Variants in KIF3B observed in about 807,000 individuals in gnomAD.
The protein encoded by KIF3B is kinesin family member 3B, also known as kinesin-like protein KIF3B.
In KIF3B, 38 loss-of-function variants were observed where a neutral mutation model predicts 74.3. The observed-to-expected ratio is 0.51, with a 90% CI of 0.39 to 0.67. The LOEUF is 0.67. Ranked by LOEUF, KIF3B falls within the 30% of genes least tolerant of loss-of-function variation. The probability of loss-of-function intolerance (pLI) is 0.00; values close to 1 mark genes in which losing one functional copy is unlikely to be tolerated. For synonymous variants in KIF3B, 326 were observed against 342.5 expected (o/e 0.95, Z 0.53); for missense variants, 649 against 932.0 (o/e 0.70, Z 3.95).
At chr20:32,281,082 C>T (rs544994527) in intron 1 of KIF3B, among the ~76,000 whole-genome samples, 4 of 152,118 alleles carry the variant, frequency 2.6e-5, no homozygotes, top group Admixed American at 6.6e-5. Context: ...AGAAAGACCC[C>T]GTCTTATGTA....
chr20:32,328,480 C>G (rs191576303), intron 7 of KIF3B, among the ~76,000 whole-genome samples: 27 of 151,960 alleles, frequency 1.8e-4, no homozygotes, highest in Admixed American at 5.2e-4. Flanking sequence ...GTGGCAGGCA[C>G]CTGTAATCCC....
At position 32,322,752 on chromosome 20, in the gene KIF3B, A is replaced by T. The variant is rs111971810; in HGVS notation, c.1749-4019A>T. Among the ~76,000 whole-genome samples, 32 of 32,046 alleles carry T rather than the reference A, an allele frequency of 1.0e-3. 3 individuals carry two copies. Among genetic ancestry groups the T allele is most frequent in the East Asian group, 0.012 (2 of 162 alleles). 21.0% of individuals were successfully genotyped at this position (32,046 alleles called of 152,430 possible). A position where few individuals can be genotyped will look rare whatever the true frequency, so the allele number is the denominator to read the frequency against. On this transcript the variant is annotated intron_variant, in intron 5 of 8. Coordinates refer to ENST00000375712, the MANE Select transcript of KIF3B (RefSeq NM_004798.4). ...TTTATTTATATATATTTATTTATAT[A>T]TATATTTATATATATTTATATATAT...
intron 1 of KIF3B, among the ~76,000 whole-genome samples, chr20:32,306,338 G>T (rs560887567): frequency 1.1e-3 from 161 of 152,000 alleles, no homozygotes; most frequent in Non-Finnish European, 1.1e-3. Context: ...GGAGGTTGCA[G>T]TGAGCCAAGA....
chr20:32,310,510 G>T lies in KIF3B; in HGVS notation c.733G>T (p.Asp245Tyr). 2 of 1,613,950 alleles carry T rather than the reference G, an allele frequency of 1.2e-6. No individual in the cohort carries two copies. Among genetic ancestry groups the T allele is most frequent in the Non-Finnish European group, 1.7e-6 (2 of 1,180,038 alleles). The change falls in exon 2 of 9, where the codon GAT (aspartate) becomes TAT (tyrosine). Residue 245 changes from aspartate to tyrosine, a missense_variant. Physicochemically the swap from Asp to Tyr is radical, Grantham distance 160 (BLOSUM62 -3). Coordinates refer to ENST00000375712, the MANE Select transcript of KIF3B (RefSeq NM_004798.4). The surrounding 1 kb of genome is among the most constrained non-coding windows in gnomAD (Gnocchi z 6.5). ...CCGTGTAGGAAAATTGAACCTTGTA[G>T]ATCTTGCTGGCAGCGAACGGCAAGC... ...HIRVGKLNLV[D>Y]LAGSERQAKT... is the part of the protein sequence containing the mutation.
At position 32,331,435 on chromosome 20, in the gene KIF3B, C is replaced by T. The variant is rs1448603895; in HGVS notation, c.*116C>T. On this transcript the variant is annotated 3_prime_UTR_variant, in exon 9 of 9. Coordinates refer to ENST00000375712, the MANE Select transcript of KIF3B (RefSeq NM_004798.4). ...TCAGAACTGTTCCCCTGAGGAGAAG[C>T]GGTGGCCTCTTTGCAGATCAACCAA... 6 of 766,992 alleles carry T rather than the reference C, an allele frequency of 7.8e-6. No homozygotes were observed. Among genetic ancestry groups the T allele is most frequent in the African/African-American group, 1.8e-5 (1 of 56,994 alleles). The allele number at this position is 766,992 out of a possible 1,614,324, so 47.5% of individuals were successfully genotyped here. A position where few individuals can be genotyped will look rare whatever the true frequency, so the allele number is the denominator to read the frequency against.
intron 1 of KIF3B, among the ~76,000 whole-genome samples, chr20:32,303,674 C>G (rs1214299560): frequency 2.0e-5 from 3 of 151,554 alleles, no homozygotes; most frequent in African/African-American, 7.3e-5. Flanking sequence ...TTGAGACCAG[C>G]CTGGCCAACA....
rs756318630 is a variant in KIF3B, at chr20:32,277,706, C to CCCG, written c.-89_-87dup. 0.024 allele frequency: 6,263 copies of CCCG among 261,104 alleles called. 105 individuals are homozygous for CCCG. The highest frequency in any genetic ancestry group is 0.057 in the African/African-American group (2,436 of 43,072). 16.2% of individuals were successfully genotyped at this position (261,104 alleles called of 1,614,324 possible). A position where few individuals can be genotyped will look rare whatever the true frequency, so the allele number is the denominator to read the frequency against. On this transcript the variant is annotated 5_prime_UTR_variant, in exon 1 of 9. Coordinates refer to ENST00000375712, the MANE Select transcript of KIF3B (RefSeq NM_004798.4). ...ATGGCTGAGCCAGGGGTTCGCCGCCCCCGCCGCCGCCGCCGCCGCCGCCGC... is the reference window on the plus strand; with the variant it reads ...ATGGCTGAGCCAGGGGTTCGCCGCCCCCGCCGCCGCCGCCGCCGCCGCCGCCGC...
chr20:32,290,638 A>G (rs2047686861), intron 1 of KIF3B, among the ~76,000 whole-genome samples: 1 of 152,210 alleles, frequency 6.6e-6, no homozygotes, highest in African/African-American at 2.4e-5. Context: ...TGGGAGGCCA[A>G]GGCGGAAGGA....
At chr20:32,280,915 C>T (rs1033436997) in intron 1 of KIF3B, among the ~76,000 whole-genome samples, 2 of 152,100 alleles carry the variant, frequency 1.3e-5, no homozygotes, top group African/African-American at 4.8e-5. Context: ...CATTTGACAT[C>T]TTTAAATGAA....
rs148334834 is a variant in KIF3B at position 32,327,589 on chromosome 20, C to G, written c.1896C>G (p.Ala632=). Residue 632 remains alanine (A), a synonymous_variant, in exon 7 of 9, where the codon GCC becomes GCG. Transcript: ENST00000375712. ...NQQMMKRPVS[A]VGYKRPLSQH... ...AGATGATGAAGCGGCCAGTCTCAGCCGTGGGATATAAGAGACCATTGAGCC... is the reference window on the plus strand; with the variant it reads ...AGATGATGAAGCGGCCAGTCTCAGCGGTGGGATATAAGAGACCATTGAGCC... 1.9e-6 allele frequency: 3 copies of G among 1,613,156 alleles called. No homozygotes were observed. Among genetic ancestry groups the G allele is most frequent in the African/African-American group, 2.7e-5 (2 of 74,804 alleles).
chr20:32,325,883 T>C (rs1008841819), intron 5 of KIF3B, among the ~76,000 whole-genome samples: 3 of 151,246 alleles, frequency 2.0e-5, no homozygotes, highest in African/African-American at 7.3e-5. Flanking sequence ...GGCCAGGCTG[T>C]TCTCGAACTC....
intron 1 of KIF3B, among the ~76,000 whole-genome samples, chr20:32,300,558 C>T (rs1233217776): frequency 5.3e-5 from 8 of 151,874 alleles, no homozygotes; most frequent in South Asian, 2.1e-4. Context: ...GGATTACAGG[C>T]GTGAGCCGCC....
chr20:32,283,364 C>T (rs1207742622), intron 1 of KIF3B, among the ~76,000 whole-genome samples: 2 of 151,832 alleles, frequency 1.3e-5, no homozygotes, highest in Non-Finnish European at 2.9e-5. Context: ...ATTAGCTGGG[C>T]GTGGTGGTGC....
chr20:32,291,617 A>AT lies in KIF3B; in HGVS notation c.-66+13868dup, dbSNP rs11475041. On this transcript the variant is annotated intron_variant, in intron 1 of 8. Coordinates refer to ENST00000375712, the MANE Select transcript of KIF3B (RefSeq NM_004798.4). ...TCCAATTTCCTTGATTGTCTTATACATTTTTTTTTTTTTTTTGAGACAGAG... is the reference window on the plus strand; with the variant it reads ...TCCAATTTCCTTGATTGTCTTATACATTTTTTTTTTTTTTTTTGAGACAGAG... Among the ~76,000 whole-genome samples the AT allele has an allele frequency of 7.7e-4, 99 of 128,530 alleles. 1 individual carries two copies. Among genetic ancestry groups the AT allele is most frequent in the Middle Eastern group, 7.5e-3 (2 of 268 alleles). The allele number at this position is 128,530 out of a possible 152,430, so 84.3% of individuals were successfully genotyped here.
chr20:32,309,764 G>A lies in KIF3B; in HGVS notation c.-14G>A, dbSNP rs2047790246. ...ATTGACACTTCTCAAGATTTGACTGGATCAGAGTTCATCATGTCAAAGTTG... is the reference window on the plus strand; with the variant it reads ...ATTGACACTTCTCAAGATTTGACTGAATCAGAGTTCATCATGTCAAAGTTG... On this transcript the variant is annotated 5_prime_UTR_variant, in exon 2 of 9. Coordinates refer to ENST00000375712, the MANE Select transcript of KIF3B (RefSeq NM_004798.4). 24 of 1,606,170 alleles carry A rather than the reference G, an allele frequency of 1.5e-5. No individual in the cohort carries two copies. Among genetic ancestry groups the A allele is most frequent in the Non-Finnish European group, 2.0e-5 (23 of 1,175,590 alleles).
rs1461385264 is a variant in KIF3B, at chr20:32,319,581, TG to T, written c.1748+2708del. Among the ~76,000 whole-genome samples the T allele has an allele frequency of 8.6e-4, 121 of 140,172 alleles. 1 individual carries two copies. Among genetic ancestry groups the T allele is most frequent in the Admixed American group, 1.7e-3 (22 of 12,830 alleles). The allele number at this position is 140,172 out of a possible 152,430, so 92.0% of individuals were successfully genotyped here. ...ATATAGTTTTTTTTTGTTTTGTTTTTGTTTTTTTTTTTTTTTTTTTTGGAGT... is the reference window on the plus strand; with the variant it reads ...ATATAGTTTTTTTTTGTTTTGTTTTTTTTTTTTTTTTTTTTTTTTTGGAGT... On this transcript the variant is annotated intron_variant, in intron 5 of 8. Transcript: ENST00000375712.
chr20:32,297,630 G>A (rs1045050529), intron 1 of KIF3B, among the ~76,000 whole-genome samples: 1 of 152,058 alleles, frequency 6.6e-6, no homozygotes, highest in African/African-American at 2.4e-5. Context: ...ATACATATAT[G>A]AATTTGGTCA....
chr20:32,313,088 A>T (rs919074002), intron 2 of KIF3B, among the ~76,000 whole-genome samples: 4 of 152,140 alleles, frequency 2.6e-5, no homozygotes, highest in Admixed American at 6.5e-5. Flanking sequence ...CTGTGTGCTA[A>T]TATATTTCTT....
At position 32,292,119 on chromosome 20, in the gene KIF3B, T is replaced by G. The variant is rs552960159; in HGVS notation, c.-66+14354T>G. ...CCTGGCTAATTTTTAAAAATTTTTTTGTAGAGACAGGATCTTGCCATCTTG... is the reference window on the plus strand; with the variant it reads ...CCTGGCTAATTTTTAAAAATTTTTTGGTAGAGACAGGATCTTGCCATCTTG... On this transcript the variant is annotated intron_variant, in intron 1 of 8. Transcript: ENST00000375712. Among the ~76,000 whole-genome samples the G allele has an allele frequency of 1.1e-4, 16 of 151,208 alleles. No homozygotes were observed. The East Asian group carries it at 3.0e-3, about 28-fold the overall frequency.
Sources: gnomAD v4.1 joint callset for allele counts (sites outside exome capture counted in the v4.1 genomes callset) on GRCh38, gnomAD v4.1.1 for gene constraint, Gnocchi (gnomAD v3.1) non-coding constraint, MANE v1.5 for transcripts, NCBI Gene and HGNC (gene_info 2026-07-23, HGNC 2026-07-21) for gene names.